Variants in FBXL7 observed in about 807,000 individuals in gnomAD.
The protein encoded by FBXL7 is F-box/LRR-repeat protein 7.
A neutral mutation model predicts 38.3 loss-of-function variants in FBXL7; 12 were observed. The ratio of observed to expected loss-of-function variants is 0.31; its 90% confidence interval spans 0.20 to 0.51. The LOEUF is 0.51. Among genes scored for constraint, FBXL7 ranks in the 20% least tolerant of loss-of-function variants. The pLI, the probability that FBXL7 is intolerant of heterozygous loss-of-function variation, is 0.98. For synonymous variants in FBXL7, 297 were observed against 300.9 expected (o/e 0.99, Z 0.13); for missense variants, 567 against 676.4 (o/e 0.84, Z 1.79).
At chr5:15,845,067 C>T (rs1257668529) in intron 2 of FBXL7, among the ~76,000 whole-genome samples, 1 of 152,210 alleles carries the variant, frequency 6.6e-6, no homozygotes, top group Non-Finnish European at 1.5e-5. Context: ...ATGAAGCCAT[C>T]CTGCAGCCTG....
At chr5:15,786,292 C>T (rs1737131578) in intron 2 of FBXL7, among the ~76,000 whole-genome samples, 1 of 151,904 alleles carries the variant, frequency 6.6e-6, no homozygotes, top group South Asian at 2.1e-4. Flanking sequence ...TCTTTCATTC[C>T]TCCACAGAAC....
intron 2 of FBXL7, among the ~76,000 whole-genome samples, chr5:15,619,099 C>G (rs922459576): frequency 6.6e-6 from 1 of 152,146 alleles, no homozygotes; most frequent in Non-Finnish European, 1.5e-5. Flanking sequence ...GCGCGGAGCC[C>G]TCTTTACCCT....
chr5:15,643,960 G>T (rs1256429394), intron 2 of FBXL7, among the ~76,000 whole-genome samples: 1 of 152,018 alleles, frequency 6.6e-6, no homozygotes, highest in Non-Finnish European at 1.5e-5. Flanking sequence ...AATGATTTTT[G>T]AATTAAACAT....
chr5:15,504,014 A>G (rs772170040), intron 1 of FBXL7, among the ~76,000 whole-genome samples: 18 of 152,254 alleles, frequency 1.2e-4, no homozygotes, highest in Non-Finnish European at 8.8e-5. Flanking sequence ...CCTCCAACTC[A>G]GTGTATTCCA....
chr5:15,698,939 C>T (rs1176427145), intron 2 of FBXL7, among the ~76,000 whole-genome samples: 1 of 152,202 alleles, frequency 6.6e-6, no homozygotes, highest in African/African-American at 2.4e-5. Context: ...CTGCCATAGA[C>T]CCTGAGACAC....
chr5:15,753,733 C>T (rs1736214513), intron 2 of FBXL7, among the ~76,000 whole-genome samples: 1 of 152,168 alleles, frequency 6.6e-6, no homozygotes, highest in Admixed American at 6.5e-5. Flanking sequence ...GAAGACTTAG[C>T]TGTCTGCAGG....
At chr5:15,523,678 C>T (rs1029693295) in intron 1 of FBXL7, among the ~76,000 whole-genome samples, 5 of 152,126 alleles carry the variant, frequency 3.3e-5, no homozygotes, top group Admixed American at 6.6e-5. Flanking sequence ...TGTTACCGTC[C>T]GTGGCGCCTT....
chr5:15,537,531 C>T (rs1331002254), intron 1 of FBXL7, among the ~76,000 whole-genome samples: 1 of 152,206 alleles, frequency 6.6e-6, no homozygotes, highest in Admixed American at 6.5e-5. Flanking sequence ...CCGTTCTTCC[C>T]CATCCCCTGC....
At chr5:15,891,478 G>A (rs766260169) in intron 2 of FBXL7, among the ~76,000 whole-genome samples, 1 of 152,172 alleles carries the variant, frequency 6.6e-6, no homozygotes, top group African/African-American at 2.4e-5. Context: ...ACATATTTAT[G>A]TAAACTAGAC....
At position 15,779,578 on chromosome 5, in the gene FBXL7, C is replaced by T. The variant is rs79789965; in HGVS notation, c.128-148312C>T. 1.1e-4 allele frequency among the ~76,000 whole-genome samples: 16 copies of T among 152,148 alleles called. No individual in the cohort carries two copies. In the East Asian group the frequency reaches 1.5e-3, roughly 15 times the overall value. ...GAGGTGACTTTTCAGAGTTGTGGTTCGGTTCACAGTCATTGGTTTCCATGC... is the reference window on the plus strand; with the variant it reads ...GAGGTGACTTTTCAGAGTTGTGGTTTGGTTCACAGTCATTGGTTTCCATGC... On this transcript the variant is annotated intron_variant, in intron 2 of 3. Coordinates refer to ENST00000504595, the MANE Select transcript of FBXL7 (RefSeq NM_012304.5).
At chr5:15,560,649 C>T (rs1380081899) in intron 1 of FBXL7, among the ~76,000 whole-genome samples, 3 of 152,108 alleles carry the variant, frequency 2.0e-5, no homozygotes, top group African/African-American at 2.4e-5. Context: ...AAATGCAAAA[C>T]TGTATGCCCG....
rs549709849 is a variant in FBXL7 at position 15,766,980 on chromosome 5, CT to C, written c.127+150917del. ...CTCTGTTTTAAAAATCTGTAATTTT[CT>C]TTTTTTTTCTGTTTCTTTTTCTTGA... On this transcript the variant is annotated intron_variant, in intron 2 of 3. Coordinates refer to ENST00000504595, the MANE Select transcript of FBXL7 (RefSeq NM_012304.5). 8.6e-5 allele frequency among the ~76,000 whole-genome samples: 13 copies of C among 151,578 alleles called. No homozygotes were observed. The East Asian group carries it at 2.1e-3, about 25-fold the overall frequency.
intron 2 of FBXL7, among the ~76,000 whole-genome samples, chr5:15,851,783 A>G (rs2126794933): frequency 6.6e-6 from 1 of 151,578 alleles, no homozygotes; most frequent in East Asian, 1.9e-4. Flanking sequence ...CAAATAAATA[A>G]CAAATGGAAA....
At chr5:15,934,217 C>G (rs1742117659) in intron 3 of FBXL7, among the ~76,000 whole-genome samples, 1 of 152,144 alleles carries the variant, frequency 6.6e-6, no homozygotes, top group Non-Finnish European at 1.5e-5. Context: ...GTTGCCCAGG[C>G]TAGTCTTGAA....
chr5:15,932,787 G>A (rs999188086), intron 3 of FBXL7, among the ~76,000 whole-genome samples: 2 of 151,972 alleles, frequency 1.3e-5, no homozygotes, highest in African/African-American at 4.8e-5. Context: ...CTCTTTCAAG[G>A]GCCCCTTTGG....
intron 2 of FBXL7, among the ~76,000 whole-genome samples, chr5:15,645,949 G>A (rs1446151058): frequency 6.6e-6 from 1 of 152,222 alleles, no homozygotes; most frequent in Non-Finnish European, 1.5e-5. Flanking sequence ...TGTGCGGCCA[G>A]TTGCTTCATT....
At chr5:15,686,437 T>C (rs1223470963) in intron 2 of FBXL7, among the ~76,000 whole-genome samples, 1 of 152,154 alleles carries the variant, frequency 6.6e-6, no homozygotes, top group East Asian at 1.9e-4. Context: ...AGGCTCCATA[T>C]CAAACCAAGC....
At chr5:15,810,972 A>G (rs1737845072) in intron 2 of FBXL7, among the ~76,000 whole-genome samples, 1 of 152,196 alleles carries the variant, frequency 6.6e-6, no homozygotes. Flanking sequence ...TTCCTAACAA[A>G]AGCAAACACA....
intron 2 of FBXL7, among the ~76,000 whole-genome samples, chr5:15,896,367 T>A (rs1741103701): frequency 6.6e-6 from 1 of 152,212 alleles, no homozygotes; most frequent in Non-Finnish European, 1.5e-5. Context: ...TGTCATCTAT[T>A]CCTCATTTCT....
Sources: gnomAD v4.1 joint callset for allele counts (sites outside exome capture counted in the v4.1 genomes callset) on GRCh38, gnomAD v4.1.1 for gene constraint, MANE v1.5 for transcripts, NCBI Gene and HGNC (gene_info 2026-07-23, HGNC 2026-07-21) for gene names.